CALY: variants seen among roughly 807,000 people sequenced by gnomAD.
CALY encodes the protein calcyon neuron specific vesicular protein, also known as neuron-specific vesicular protein calcyon.
A neutral mutation model predicts 20.2 loss-of-function variants in CALY; 15 were observed. The observed-to-expected ratio is 0.74, with a 90% CI of 0.50 to 1.14. CALY has a LOEUF of 1.14. Ranked by LOEUF, CALY falls within the 50% of genes most tolerant of loss-of-function variation. The pLI, the probability that CALY is intolerant of heterozygous loss-of-function variation, is 0.00. For missense variants in CALY, 270 were observed against 304.4 expected (o/e 0.89, Z 0.84); for synonymous variants, 129 against 131.8 (o/e 0.98, Z 0.15).
intron 1 of CALY, among the ~76,000 whole-genome samples, chr10:133,330,339 C>T (rs1358819852): frequency 3.2e-5 from 2 of 62,752 alleles, no homozygotes; most frequent in East Asian, 4.6e-4. Context: ...GGTGACAGAA[C>T]GAAACTCTGC....
chr10:133,335,448 G>C (rs1848423051), intron 1 of CALY, among the ~76,000 whole-genome samples: 2 of 152,204 alleles, frequency 1.3e-5, no homozygotes, highest in South Asian at 4.1e-4. Flanking sequence ...CCAACTCCTC[G>C]GACGGCCAAT....
chr10:133,324,890 G>C lies in CALY; in HGVS notation c.*705C>G. ...GGACACGGGAGACCCCAGCCCCCAG[G>C]AACCAGAGCTCACCCCTCATCAGGC... On this transcript the variant is annotated 3_prime_UTR_variant, in exon 6 of 6. Transcript: ENST00000252939. 3.7e-6 allele frequency: 1 copy of C among 269,398 alleles called. No individual in the cohort carries two copies. The highest frequency in any genetic ancestry group is 3.3e-5 in the South Asian group (1 of 30,480). 16.7% of individuals were successfully genotyped at this position (269,398 alleles called of 1,614,324 possible).
intron 1 of CALY, among the ~76,000 whole-genome samples, chr10:133,329,484 T>G (rs534575460): frequency 4.0e-4 from 61 of 151,814 alleles, no homozygotes; most frequent in Non-Finnish European, 7.1e-4. Flanking sequence ...CCTCCTGAGC[T>G]TCAGCAGTCC....
rs1450603123 is a variant in CALY, at chr10:133,325,844, G to A, written c.637C>T (p.Pro213Ser). Residue 213 changes from proline to serine, a missense_variant, in exon 5 of 6, where the codon CCC (proline) becomes TCC (serine). Coordinates refer to ENST00000252939, the MANE Select transcript of CALY (RefSeq NM_015722.4). ...AARKAAGSAA[P>S]PPAQ ...TGGAGACGTCACTGCGCGGGCGGGG[G>A]CGCCGCGCTCCCGGCCGCCTTCCGC... 18 of 1,229,654 alleles carry A rather than the reference G, an allele frequency of 1.5e-5. No homozygotes were observed. Among genetic ancestry groups the A allele is most frequent in the Middle Eastern group, 3.2e-4 (1 of 3,152 alleles). The allele number at this position is 1,229,654 out of a possible 1,614,324, so 76.2% of individuals were successfully genotyped here.
intron 1 of CALY, among the ~76,000 whole-genome samples, chr10:133,333,695 A>C (rs566866710): frequency 5.5e-5 from 1 of 18,034 alleles, no homozygotes; most frequent in Non-Finnish European, 1.3e-4. Flanking sequence ...TCTGAGGGGG[A>C]AAGAAAGATC....
intron 1 of CALY, among the ~76,000 whole-genome samples, chr10:133,329,224 G>A (rs1589852957): frequency 1.3e-5 from 2 of 152,178 alleles, no homozygotes; most frequent in East Asian, 3.8e-4. Context: ...CAGCCCCTCT[G>A]GACCCCACAG....
chr10:133,324,169 C>T lies in CALY; in HGVS notation c.*1426G>A, dbSNP rs141742050. The T allele has an allele frequency of 1.9e-3, 636 of 335,996 alleles. 4 individuals carry two copies. The highest frequency in any genetic ancestry group is 0.013 in the African/African-American group (606 of 46,174). 20.8% of individuals were successfully genotyped at this position (335,996 alleles called of 1,614,324 possible). On this transcript the variant is annotated 3_prime_UTR_variant, in exon 6 of 6. Transcript: ENST00000252939. ...ACGCCCCAGGCCCCGGGCCCCCCTCCCTTGCAGGCCATCAGGGCCAATTCA... is the reference window on the plus strand; with the variant it reads ...ACGCCCCAGGCCCCGGGCCCCCCTCTCTTGCAGGCCATCAGGGCCAATTCA...
chr10:133,330,003 G>A (rs1452270177), intron 1 of CALY, among the ~76,000 whole-genome samples: 1 of 152,244 alleles, frequency 6.6e-6, no homozygotes, highest in Non-Finnish European at 1.5e-5. Flanking sequence ...CCACAGCAGG[G>A]CCCCGCGGGG....
chr10:133,329,168 G>A (rs147278451), intron 1 of CALY, among the ~76,000 whole-genome samples, 159 bp from the exon 2 acceptor site: 113 of 152,342 alleles, frequency 7.4e-4, no homozygotes, highest in African/African-American at 2.4e-3. Flanking sequence ...TGGACAAACC[G>A]GTCAAATCCA....
At chr10:133,333,105 CCAGGTGTGGGTAG>C (rs1030292634) in intron 1 of CALY, among the ~76,000 whole-genome samples, 13 of 151,770 alleles carry the variant, frequency 8.6e-5, no homozygotes, top group Non-Finnish European at 1.6e-4. Flanking sequence ...GCTGTGGGTT[CCAGGTGTGGGTAG>C]GCACCACGGG....
chr10:133,327,005 A>G lies in CALY; in HGVS notation c.247-14T>C. ...TGCGGTGGGCAGCTGGCAGGAGGGC[A>G]GAGAGGGGCTCAGCCACGCCAGGCA... is the stretch of plus-strand genomic sequence containing the variant. On this transcript the variant is annotated splice_polypyrimidine_tract_variant and intron_variant, in intron 3 of 5. Coordinates refer to ENST00000252939, the MANE Select transcript of CALY (RefSeq NM_015722.4). 6.3e-7 allele frequency: 1 copy of G among 1,578,274 alleles called. No homozygotes were observed. The highest frequency in any genetic ancestry group is 8.7e-7 in the Non-Finnish European group (1 of 1,155,838).
chr10:133,330,332 GACAGAACGA>G lies in CALY; in HGVS notation c.-20-1332_-20-1324del, dbSNP rs1295365969. ...CACGCCACTGCACTCCAGCCTAGGT[GACAGAACGA>G]AACTCTGCCAAAAAAAAAAAAAAAA... On this transcript the variant is annotated intron_variant, in intron 1 of 5. Coordinates refer to ENST00000252939, the MANE Select transcript of CALY (RefSeq NM_015722.4). 2.3e-5 allele frequency among the ~76,000 whole-genome samples: 3 copies of G among 127,930 alleles called. No individual in the cohort carries two copies. In the East Asian group the frequency reaches 6.7e-4, roughly 29 times the overall value. 83.9% of individuals were successfully genotyped at this position (127,930 alleles called of 152,430 possible).
rs906692194 is a variant in CALY, at chr10:133,325,956, C to G, written c.525G>C (p.Glu175Asp). The G allele has an allele frequency of 1.3e-6, 2 of 1,499,262 alleles. No homozygotes were observed. Among genetic ancestry groups the G allele is most frequent in the African/African-American group, 2.9e-5 (2 of 70,044 alleles). 92.9% of individuals were successfully genotyped at this position (1,499,262 alleles called of 1,614,324 possible). The change falls in exon 5 of 6, where the codon GAG (glutamate) becomes GAC (aspartate). Residue 175 changes from glutamate (E) to aspartate (D), a missense_variant. Transcript: ENST00000252939. The stretch of plus-strand genomic sequence containing the variant: ...CCCCAGCCTGGGTGGGCCCCTTGCG[C>G]TCCTCCTTGGCTGCGCGGTAGCCGT... ...WGDGYRAAKE[E>D]RKGPTQAGAA...
At position 133,326,945 on chromosome 10, in the gene CALY, C is replaced by A. The variant is rs1191288532; in HGVS notation, c.293G>T (p.Cys98Phe). ...MIAFAMALLG[C>F]VLIMYKAIWY... The stretch of plus-strand genomic sequence containing the variant: ...GATGGCCTTGTACATGATCAGCACG[C>A]AGCCCAGTAGCGCCATGGCGAAGGC... The change falls in exon 4 of 6, where the codon TGC becomes TTC. Residue 98 changes from cysteine to phenylalanine, a missense_variant. Physicochemically the swap from Cys to Phe is radical, Grantham distance 205 (BLOSUM62 -2). Coordinates refer to ENST00000252939, the MANE Select transcript of CALY (RefSeq NM_015722.4). The A allele has an allele frequency of 6.2e-7, 1 of 1,611,330 alleles. No individual in the cohort carries two copies. The highest frequency in any genetic ancestry group is 8.5e-7 in the Non-Finnish European group (1 of 1,179,496).
chr10:133,328,912 A>G lies in CALY; in HGVS notation c.78T>C (p.Ser26=). 5.8e-6 allele frequency: 9 copies of G among 1,555,012 alleles called. No individual in the cohort carries two copies. Among genetic ancestry groups the G allele is most frequent in the Non-Finnish European group, 5.2e-6 (6 of 1,149,394 alleles). The change falls in exon 2 of 6, where the codon AGT becomes AGC. Residue 26 remains serine, a synonymous_variant. Coordinates refer to ENST00000252939, the MANE Select transcript of CALY (RefSeq NM_015722.4). ...TGTCCAAGGGGCTGATCAGAGGCAC[A>G]CTGTCCATGGCAGCCCCATCCTGGT... The part of the protein sequence containing the change: ...PGDQDGAAMD[S]VPLISPLDIS...
intron 3 of CALY, 130 bp from the exon 4 acceptor site, chr10:133,327,121 C>G (rs1848227866): frequency 1.5e-6 from 1 of 671,106 alleles, no homozygotes; most frequent in Non-Finnish European, 2.7e-6. Context: ...CCGCCCTGGG[C>G]AGCCAGTGGC....
chr10:133,326,091 C>T lies in CALY; in HGVS notation c.390G>A (p.Glu130=), dbSNP rs1765831889. The T allele has an allele frequency of 4.4e-6, 7 of 1,599,104 alleles. No homozygotes were observed. Among genetic ancestry groups the T allele is most frequent in the Non-Finnish European group, 6.0e-6 (7 of 1,170,336 alleles). Residue 130 remains glutamate (E), a synonymous_variant, in exon 5 of 6, where the codon GAG becomes GAA. Coordinates refer to ENST00000252939, the MANE Select transcript of CALY (RefSeq NM_015722.4). ...CGGGGTCCATCTCCGTGTAGTACAT[C>T]TCCAGGGTCAGCGGCGTGCAGATCT... The part of the protein sequence containing the change: ...RHKICTPLTL[E]MYYTEMDPER...
intron 1 of CALY, among the ~76,000 whole-genome samples, chr10:133,331,129 C>T (rs1011553231): frequency 6.6e-6 from 1 of 152,172 alleles, no homozygotes; most frequent in African/African-American, 2.4e-5. Flanking sequence ...ATTCCTCGGA[C>T]CCATTAGTGC....
At chr10:133,326,228 G>A (rs1267714642) in intron 4 of CALY, 108 bp from the exon 5 acceptor site, 3 of 1,551,092 alleles carry the variant, frequency 1.9e-6, no homozygotes, top group Non-Finnish European at 2.6e-6. Flanking sequence ...GTTTGTAATG[G>A]AGCCATGGCT....
Sources: allele counts gnomAD v4.1 joint callset (sites outside exome capture counted in the v4.1 genomes callset), GRCh38; gene constraint gnomAD v4.1.1; transcripts MANE v1.5; gene names NCBI Gene and HGNC (gene_info 2026-07-23, HGNC 2026-07-21).